RHBDL3: variants seen among roughly 807,000 people sequenced by gnomAD.
RHBDL3 encodes the protein rhomboid like 3.
A neutral mutation model predicts 48.2 loss-of-function variants in RHBDL3; 28 were observed. The ratio of observed to expected loss-of-function variants is 0.58; its 90% CI spans 0.43 to 0.80. The LOEUF (loss-of-function observed/expected upper bound fraction) is 0.80, where lower values mean the gene tolerates loss of function less well. Ranked by LOEUF, RHBDL3 falls within the 30% of genes least tolerant of loss-of-function variation. The pLI is 0.00. For synonymous variants in RHBDL3, 208 were observed against 232.3 expected (o/e 0.90, Z 0.95); for missense variants, 464 against 542.7 (o/e 0.85, Z 1.44).
At chr17:32,277,249 C>G in intron 2 of RHBDL3, among the ~76,000 whole-genome samples, 1 of 152,206 alleles carries the variant, frequency 6.6e-6, no homozygotes, top group East Asian at 1.9e-4. Context: ...AGAGGGTCCT[C>G]CTGGGAGAGA....
intron 2 of RHBDL3, among the ~76,000 whole-genome samples, chr17:32,282,383 G>A (rs572567954): frequency 1.6e-4 from 25 of 152,236 alleles, no homozygotes; most frequent in Admixed American, 6.5e-4. Flanking sequence ...CCTGGGCAAC[G>A]TAGTGAGAGC....
intron 5 of RHBDL3, among the ~76,000 whole-genome samples, chr17:32,297,776 A>G (rs2040488270): frequency 6.8e-6 from 1 of 146,412 alleles, no homozygotes; most frequent in Admixed American, 7.2e-5. Flanking sequence ...TTGGGCTTAC[A>G]GGTGTGGGCC....
At chr17:32,268,379 A>C (rs942634740) in intron 2 of RHBDL3, among the ~76,000 whole-genome samples, 5 of 152,174 alleles carry the variant, frequency 3.3e-5, no homozygotes, top group Non-Finnish European at 7.3e-5. Flanking sequence ...ACTCTTTTGA[A>C]GTCTAATTCA....
At chr17:32,309,978 A>ATCAG (rs1377006445) in intron 7 of RHBDL3, among the ~76,000 whole-genome samples, 3 of 151,512 alleles carry the variant, frequency 2.0e-5, no homozygotes, top group Non-Finnish European at 1.5e-5. Context: ...CGAACTCCTG[A>ATCAG]ACTCAAGTGA....
chr17:32,283,234 G>A (rs2040100847), intron 2 of RHBDL3, among the ~76,000 whole-genome samples: 1 of 152,018 alleles, frequency 6.6e-6, no homozygotes, highest in Non-Finnish European at 1.5e-5. Flanking sequence ...TGTTGCTGTG[G>A]GCATTGGGTG....
chr17:32,291,833 G>A (rs1329665116), intron 4 of RHBDL3, among the ~76,000 whole-genome samples: 3 of 143,476 alleles, frequency 2.1e-5, no homozygotes, highest in Admixed American at 7.1e-5. Context: ...ATGCCGTGGC[G>A]CAATCTTGGC....
chr17:32,305,454 C>A lies in RHBDL3; in HGVS notation c.882+13C>A. 2 of 1,544,272 alleles carry A rather than the reference C, an allele frequency of 1.3e-6. No homozygotes were observed. Among genetic ancestry groups the A allele is most frequent in the Non-Finnish European group, 1.8e-6 (2 of 1,116,254 alleles). On this transcript the variant is annotated intron_variant, in intron 7 of 8. Transcript: ENST00000269051. The stretch of plus-strand genomic sequence containing the variant: ...CAACATTGTCATGGTGAGCACCTCC[C>A]GTTCTCAATGTGTCTTTCTGGCCCT...
chr17:32,311,103 C>G (rs529909500), intron 7 of RHBDL3, among the ~76,000 whole-genome samples: 5 of 152,288 alleles, frequency 3.3e-5, no homozygotes, highest in East Asian at 1.9e-4. Flanking sequence ...ACTCTTAACC[C>G]GTTTGGGTGA....
intron 5 of RHBDL3, among the ~76,000 whole-genome samples, chr17:32,297,210 G>A (rs1422820955): frequency 2.0e-5 from 3 of 150,570 alleles, no homozygotes; most frequent in Non-Finnish European, 4.4e-5. Flanking sequence ...GCTCATGCCT[G>A]TAATCCCAAA....
At chr17:32,301,943 T>A (rs1055662547) in intron 6 of RHBDL3, among the ~76,000 whole-genome samples, 3 of 152,232 alleles carry the variant, frequency 2.0e-5, no homozygotes, top group African/African-American at 7.2e-5. Context: ...GCTTTAAAAT[T>A]TTCTGGGCTA....
rs1567795223 is a variant in RHBDL3, at chr17:32,321,533, AT to A, written c.*305del. Reference sequence around the variant, plus strand: ...CCCTCACCTGGGCTGGGCTTCTTCCATGGGGCCAGGGGGTGCCCCCTCACTG... The same window carrying A: ...CCCTCACCTGGGCTGGGCTTCTTCCAGGGGCCAGGGGGTGCCCCCTCACTG... On this transcript the variant is annotated 3_prime_UTR_variant, in exon 9 of 9. Coordinates refer to ENST00000269051, the MANE Select transcript of RHBDL3 (RefSeq NM_138328.3). 1.4e-5 allele frequency: 8 copies of A among 563,878 alleles called. No individual in the cohort carries two copies. The Admixed American group carries it at 2.5e-4, about 18-fold the overall frequency. 34.9% of individuals were successfully genotyped at this position (563,878 alleles called of 1,614,324 possible).
chr17:32,301,245 A>G (rs2040575674), intron 6 of RHBDL3, among the ~76,000 whole-genome samples: 1 of 152,048 alleles, frequency 6.6e-6, no homozygotes, highest in East Asian at 1.9e-4. Context: ...GCTAGCAATT[A>G]TATGGCACAC....
intron 7 of RHBDL3, among the ~76,000 whole-genome samples, chr17:32,314,590 A>G (rs2040925527): frequency 6.6e-6 from 1 of 152,154 alleles, no homozygotes; most frequent in South Asian, 2.1e-4. Context: ...AGCCCTTCCC[A>G]GGGCTCCCAG....
At chr17:32,311,609 G>A (rs1018200035) in intron 7 of RHBDL3, among the ~76,000 whole-genome samples, 5 of 152,180 alleles carry the variant, frequency 3.3e-5, no homozygotes, top group African/African-American at 1.2e-4. Flanking sequence ...GTGCGGCAGA[G>A]GGATGGACTG....
chr17:32,288,759 T>G lies in RHBDL3; in HGVS notation c.295-33T>G, dbSNP rs2040255867. ...GTGGGGAGCTCCGCTGGGCCCCAGC[T>G]CTGACCCTCTCCCCACTCCATTTCC... On this transcript the variant is annotated intron_variant, in intron 3 of 8. Coordinates refer to ENST00000269051, the MANE Select transcript of RHBDL3 (RefSeq NM_138328.3). The G allele has an allele frequency of 5.8e-6, 9 of 1,550,584 alleles. No individual in the cohort carries two copies. The East Asian group carries it at 2.1e-4, about 36-fold the overall frequency.
chr17:32,303,115 C>T (rs1229936729), intron 6 of RHBDL3, among the ~76,000 whole-genome samples: 1 of 152,210 alleles, frequency 6.6e-6, no homozygotes, highest in Non-Finnish European at 1.5e-5. Flanking sequence ...GGTCAGGACT[C>T]CGAGCCATGG....
chr17:32,309,735 G>T (rs1432790100), intron 7 of RHBDL3, among the ~76,000 whole-genome samples: 1 of 147,428 alleles, frequency 6.8e-6, no homozygotes, highest in Non-Finnish European at 1.5e-5. Flanking sequence ...TTCAACAAAA[G>T]ATCTGGAATG....
At chr17:32,281,932 CTG>C (rs2040062292) in intron 2 of RHBDL3, among the ~76,000 whole-genome samples, 1 of 152,208 alleles carries the variant, frequency 6.6e-6, no homozygotes, top group South Asian at 2.1e-4. Flanking sequence ...GCTCAGCTGT[CTG>C]GAGGTGGAAT....
At chr17:32,315,215 C>T (rs940852882) in intron 7 of RHBDL3, among the ~76,000 whole-genome samples, 4 of 152,224 alleles carry the variant, frequency 2.6e-5, no homozygotes, top group Non-Finnish European at 4.4e-5. Context: ...CTGGGCCAGG[C>T]AGCAAAGGCA....
Sources: allele counts gnomAD v4.1 joint callset (sites outside exome capture counted in the v4.1 genomes callset), GRCh38; gene constraint gnomAD v4.1.1; transcripts MANE v1.5; gene names NCBI Gene and HGNC (gene_info 2026-07-23, HGNC 2026-07-21).